BCR: variants seen among roughly 807,000 people sequenced by gnomAD.
The protein encoded by BCR is BCR activator of RhoGEF and GTPase.
Under a neutral mutation model 138.6 loss-of-function variants are expected in BCR, and 58 were observed. That is an observed-to-expected ratio of 0.42 (90% CI 0.34 to 0.52). The LOEUF (loss-of-function observed/expected upper bound fraction) is 0.52. Ranked by LOEUF, BCR falls within the 20% of genes least tolerant of loss-of-function variation. The pLI is 0.06. For synonymous variants in BCR, 786 were observed against 730.1 expected, an observed-to-expected ratio of 1.08 and a Z score of -1.23; for missense variants, 1,599 against 1,727.2, an observed-to-expected ratio of 0.93 and a Z score of 1.32.
In BCR at chr22:23,314,007, A is replaced by G. The variant is rs761559059; in HGVS notation, c.3497A>G (p.Asn1166Ser). Residue 1166 changes from asparagine to serine, a missense_variant, in exon 21 of 23, where the codon AAC becomes AGC. By Grantham distance (46) the Asn-to-Ser change is conservative. This residue lies in a region of BCR where 177 missense variants were observed against 226.4 expected (regional missense o/e 0.78). Coordinates refer to ENST00000305877, the MANE Select transcript of BCR (RefSeq NM_004327.4). ...DPVAKESCML[N>S]LLLSLPEANL... is the part of the protein sequence containing the mutation. The stretch of plus-strand genomic sequence containing the variant: ...GTTGCAAAGGAGAGCTGCATGCTCA[A>G]CCTGCTGCTGTCCCTGCCGGAGGCC... The G allele has an allele frequency of 1.9e-5, 31 of 1,613,834 alleles. 1 individual carries two copies. In the South Asian group the frequency reaches 3.2e-4, roughly 17 times the overall value.
At chr22:23,264,342 G>C (rs2073411998) in intron 4 of BCR, 1 of 980,746 alleles carries the variant, frequency 1.0e-6, no homozygotes, top group African/African-American at 1.6e-5. Flanking sequence ...CCACGTCCTG[G>C]ATATTCAAAA....
intron 1 of BCR, among the ~76,000 whole-genome samples, chr22:23,230,144 C>G (rs2072940287): frequency 6.6e-6 from 1 of 151,370 alleles, no homozygotes. Flanking sequence ...ACTGGAAAAC[C>G]AGAAAAATCA....
chr22:23,251,964 G>A (rs1004976162), intron 1 of BCR, among the ~76,000 whole-genome samples: 1 of 152,172 alleles, frequency 6.6e-6, no homozygotes, highest in East Asian at 1.9e-4. Context: ...GATGGCTAAG[G>A]CCTTGGAAAC....
At chr22:23,242,027 C>G (rs755926418) in intron 1 of BCR, among the ~76,000 whole-genome samples, 1 of 152,194 alleles carries the variant, frequency 6.6e-6, no homozygotes, top group Non-Finnish European at 1.5e-5. Context: ...TCTTAGTGGC[C>G]TCTGGCTGGA....
chr22:23,304,051 A>C (rs1267518003), intron 16 of BCR, among the ~76,000 whole-genome samples: 2 of 145,882 alleles, frequency 1.4e-5, no homozygotes, highest in East Asian at 4.1e-4. Flanking sequence ...TTCCTACCTT[A>C]GCCTCTCAAG....
chr22:23,290,493 G>A (rs1341441613), intron 14 of BCR, 80 bp downstream of exon 14: 2 of 1,410,794 alleles, frequency 1.4e-6, no homozygotes, highest in African/African-American at 1.4e-5. Flanking sequence ...GGCAGGGTGT[G>A]GGGAAACAGG....
At chr22:23,196,318 C>T (rs2072480970) in intron 1 of BCR, among the ~76,000 whole-genome samples, 1 of 152,082 alleles carries the variant, frequency 6.6e-6, no homozygotes, top group Admixed American at 6.6e-5. Flanking sequence ...GGGTGGGAGC[C>T]GGGACAAGCA....
chr22:23,292,861 C>T lies in BCR; in HGVS notation c.2880+223C>T, dbSNP rs565881825. Among the ~76,000 whole-genome samples, 55 of 152,332 alleles carry T rather than the reference C, an allele frequency of 3.6e-4. 1 individual carries two copies. The South Asian group carries it at 0.011, about 30-fold the overall frequency. ...ATCCCTGTCATCACAAAGAAGCCAC[C>T]TATTTTGCTGGAGAAGTGTTTGGAA... is the stretch of plus-strand genomic sequence containing the variant. On this transcript the variant is annotated intron_variant, in intron 15 of 22. Coordinates refer to ENST00000305877, the MANE Select transcript of BCR (RefSeq NM_004327.4).
chr22:23,226,148 C>T (rs2072890609), intron 1 of BCR, among the ~76,000 whole-genome samples: 1 of 152,176 alleles, frequency 6.6e-6, no homozygotes, highest in Non-Finnish European at 1.5e-5. Context: ...TCATTTCCTT[C>T]AAATGTCCTA....
intron 1 of BCR, among the ~76,000 whole-genome samples, chr22:23,211,195 T>C (rs1435940776): frequency 6.6e-6 from 1 of 152,164 alleles, no homozygotes; most frequent in African/African-American, 2.4e-5. Flanking sequence ...AGCTTCTTTT[T>C]TTATTTGTTT....
chr22:23,184,415 G>A (rs1254896005), intron 1 of BCR, among the ~76,000 whole-genome samples: 6 of 152,118 alleles, frequency 3.9e-5, no homozygotes, highest in East Asian at 1.9e-4. Context: ...AGTAACTAAG[G>A]TCACTTAAAC....
chr22:23,238,901 C>T (rs1017344714), intron 1 of BCR, among the ~76,000 whole-genome samples: 3 of 113,200 alleles, frequency 2.7e-5, no homozygotes, highest in African/African-American at 9.2e-5. Flanking sequence ...GGGGTTGGTT[C>T]GAGTCTCAAA....
At chr22:23,212,785 CA>C (rs1236690044) in intron 1 of BCR, among the ~76,000 whole-genome samples, 1 of 152,232 alleles carries the variant, frequency 6.6e-6, no homozygotes, top group Non-Finnish European at 1.5e-5. Context: ...TTTGTTTTCT[CA>C]CTGAAGAGGA....
chr22:23,182,843 G>T (rs2072289555), intron 1 of BCR, among the ~76,000 whole-genome samples: 1 of 152,188 alleles, frequency 6.6e-6, no homozygotes, highest in Admixed American at 6.5e-5. Flanking sequence ...GAAGTGAGGC[G>T]ACAGGCAGTT....
chr22:23,218,483 G>T (rs2072782664), intron 1 of BCR, among the ~76,000 whole-genome samples: 1 of 152,186 alleles, frequency 6.6e-6, no homozygotes, highest in Non-Finnish European at 1.5e-5. Flanking sequence ...CTTGGCACGG[G>T]GCCACTGTGG....
intron 1 of BCR, among the ~76,000 whole-genome samples, chr22:23,226,325 AGAGT>A (rs761257527): frequency 0.11 from 5,624 of 50,270 alleles, 333 homozygotes; most frequent in African/African-American, 0.27. Context: ...AGAGAGAGAG[AGAGT>A]GTGTGTGTGT....
intron 1 of BCR, among the ~76,000 whole-genome samples, chr22:23,201,125 A>T (rs1028013202): frequency 6.6e-6 from 1 of 152,260 alleles, no homozygotes; most frequent in East Asian, 1.9e-4. Flanking sequence ...CTGGCTGCCC[A>T]TGTAGTTAAA....
rs560516353 is a variant in BCR, at chr22:23,284,905, C to T, written c.2238-128C>T. ...TCATCCCAGTCTGTCCCATGGAACA[C>T]GTGCTGGGTTTTAGGTCAGGTAAAC... On this transcript the variant is annotated intron_variant, in intron 9 of 22. Transcript: ENST00000305877. 296 of 1,011,834 alleles carry T rather than the reference C, an allele frequency of 2.9e-4. 1 individual carries two copies. In the South Asian group the frequency reaches 4.5e-3, roughly 15 times the overall value. The allele number at this position is 1,011,834 out of a possible 1,614,324, so 62.7% of individuals were successfully genotyped here.
rs573039232 is a variant in BCR at position 23,181,085 on chromosome 22, T to C, written c.125T>C (p.Ile42Thr). The change falls in exon 1 of 23, where the codon ATT becomes ACT. Residue 42 changes from isoleucine to threonine, a missense_variant. Ile to Thr is a moderately conservative substitution (Grantham distance 89). Coordinates refer to ENST00000305877, the MANE Select transcript of BCR (RefSeq NM_004327.4). ...EQELERCKAS[I>T]RRLEQEVNQE... Reference sequence around the variant, plus strand: ...GAGCTGGAGCGCTGCAAGGCCTCCATTCGGCGCCTGGAGCAGGAGGTGAAC... The same window carrying C: ...GAGCTGGAGCGCTGCAAGGCCTCCACTCGGCGCCTGGAGCAGGAGGTGAAC... 4.0e-6 allele frequency: 6 copies of C among 1,516,772 alleles called. No homozygotes were observed. The highest frequency in any genetic ancestry group is 4.4e-6 in the Non-Finnish European group (5 of 1,126,482). 94.0% of individuals were successfully genotyped at this position (1,516,772 alleles called of 1,614,324 possible).
Sources: gnomAD v4.1 joint callset for allele counts (sites outside exome capture counted in the v4.1 genomes callset) on GRCh38, gnomAD v4.1.1 for gene constraint, gnomAD v4.1.1 regional missense constraint, MANE v1.5 for transcripts, NCBI Gene and HGNC (gene_info 2026-07-23, HGNC 2026-07-21) for gene names.